WWOX: variants seen among roughly 807,000 people sequenced by gnomAD.
The protein encoded by WWOX is WW domain-containing oxidoreductase.
WWOX carries 69 observed loss-of-function variants against 46.2 expected under a neutral mutation model. That is an observed-to-expected ratio of 1.49 (90% confidence interval 1.23 to 1.82). The LOEUF (loss-of-function observed/expected upper bound fraction) is 1.82, where lower values mean the gene tolerates loss of function less well. WWOX is among the 40% of genes most tolerant of loss of function. The pLI, the probability that WWOX is intolerant of heterozygous loss-of-function variation, is 0.00. For missense variants in WWOX, 919 were observed against 542.6 expected (o/e 1.69, Z -6.89); for synonymous variants, 359 against 202.6 (o/e 1.77, Z -6.56).
At chr16:78,366,884 ACTTG>A (rs2081546506) in intron 5 of WWOX, among the ~76,000 whole-genome samples, 1 of 151,614 alleles carries the variant, frequency 6.6e-6, no homozygotes, top group South Asian at 2.1e-4. Context: ...CAGTTTTCAA[ACTTG>A]CTTAATCCAA....
At position 78,963,333 on chromosome 16, in the gene WWOX, G is replaced by T. The variant is rs192777102; in HGVS notation, c.1057-248275G>T. Among the ~76,000 whole-genome samples the T allele has an allele frequency of 2.1e-3, 318 of 152,256 alleles. 7 individuals are homozygous for T. The highest frequency in any genetic ancestry group is 0.018 in the Admixed American group (273 of 15,292). ...AAATAAAAAAAATTAGCTGCCCATG[G>T]TGGTGTATGCCTGTGGTCCCAGCTA... is the stretch of plus-strand genomic sequence containing the variant. On this transcript the variant is annotated intron_variant, in intron 8 of 8. Coordinates refer to ENST00000566780, the MANE Select transcript of WWOX (RefSeq NM_016373.4).
chr16:78,945,765 G>T (rs1175090301), intron 8 of WWOX, among the ~76,000 whole-genome samples: 1 of 151,720 alleles, frequency 6.6e-6, no homozygotes, highest in African/African-American at 2.4e-5. Flanking sequence ...TTTATTTAGG[G>T]CTCATCTGGT....
At chr16:78,610,910 A>C (rs72805009) in intron 8 of WWOX, among the ~76,000 whole-genome samples, 1 of 152,256 alleles carries the variant, frequency 6.6e-6, no homozygotes, top group East Asian at 1.9e-4. Context: ...ACAATTTCTC[A>C]TTAAGCACAG....
intron 8 of WWOX, among the ~76,000 whole-genome samples, chr16:78,444,471 G>A (rs928852952): frequency 1.3e-5 from 2 of 151,394 alleles, no homozygotes; most frequent in East Asian, 1.9e-4. Context: ...TTTATTAAGA[G>A]AATGGATATT....
intron 8 of WWOX, among the ~76,000 whole-genome samples, chr16:78,814,237 C>A (rs949315490): frequency 6.6e-6 from 1 of 152,294 alleles, no homozygotes; most frequent in Non-Finnish European, 1.5e-5. Context: ...CTCCATCTTA[C>A]ATCAACAATT....
At chr16:79,141,171 A>G (rs1237479150) in intron 8 of WWOX, among the ~76,000 whole-genome samples, 4 of 152,236 alleles carry the variant, frequency 2.6e-5, no homozygotes, top group Non-Finnish European at 5.9e-5. Flanking sequence ...GAGGCTATTC[A>G]GAAACTCAAA....
chr16:78,857,750 A>G (rs550100654), intron 8 of WWOX, among the ~76,000 whole-genome samples: 52 of 152,312 alleles, frequency 3.4e-4, no homozygotes, highest in African/African-American at 1.2e-3. Flanking sequence ...CATGCTCATA[A>G]CTCGATTTTC....
intron 8 of WWOX, among the ~76,000 whole-genome samples, chr16:79,041,695 G>C (rs2047974566): frequency 6.6e-6 from 1 of 152,100 alleles, no homozygotes; most frequent in Non-Finnish European, 1.5e-5. Flanking sequence ...AATGGCAAGG[G>C]CATGAGGCAG....
At chr16:79,163,001 G>A (rs1466191282) in intron 8 of WWOX, among the ~76,000 whole-genome samples, 1 of 152,240 alleles carries the variant, frequency 6.6e-6, no homozygotes, top group Non-Finnish European at 1.5e-5. Flanking sequence ...TTATGGTTTA[G>A]AGAAAGCGCC....
chr16:78,245,892 C>T (rs553668576), intron 5 of WWOX, among the ~76,000 whole-genome samples: 1 of 152,304 alleles, frequency 6.6e-6, no homozygotes, highest in African/African-American at 2.4e-5. Context: ...AGGTCCTCTC[C>T]ATTCCAGAAA....
chr16:79,062,469 C>T (rs563936047), intron 8 of WWOX, among the ~76,000 whole-genome samples: 26 of 152,170 alleles, frequency 1.7e-4, no homozygotes, highest in Middle Eastern at 3.4e-3. Flanking sequence ...CGGTGCCGTG[C>T]GGTGTAAATC....
At position 78,885,041 on chromosome 16, in the gene WWOX, G is replaced by A. The variant is rs184046360; in HGVS notation, c.1057-326567G>A. On this transcript the variant is annotated intron_variant, in intron 8 of 8. Coordinates refer to ENST00000566780, the MANE Select transcript of WWOX (RefSeq NM_016373.4). The stretch of plus-strand genomic sequence containing the variant: ...TGTTTCTTCCACTGTGCAGTGTTTC[G>A]TTCTTAACCAACATGGCACCCCAGG... Among the ~76,000 whole-genome samples, 11 of 152,142 alleles carry A rather than the reference G, an allele frequency of 7.2e-5. No individual in the cohort carries two copies. In the East Asian group the frequency reaches 9.7e-4, roughly 13 times the overall value.
intron 8 of WWOX, among the ~76,000 whole-genome samples, chr16:78,546,605 A>T (rs773981588): frequency 6.6e-6 from 1 of 152,192 alleles, no homozygotes; most frequent in Non-Finnish European, 1.5e-5. Flanking sequence ...CTCAGCTAGG[A>T]ACTTATTTTT....
At chr16:78,441,157 C>G (rs566029685) in intron 8 of WWOX, among the ~76,000 whole-genome samples, 2 of 151,812 alleles carry the variant, frequency 1.3e-5, no homozygotes, top group African/African-American at 2.4e-5. Flanking sequence ...TGGCCAAGCT[C>G]GTCTCAAACC....
intron 8 of WWOX, among the ~76,000 whole-genome samples, chr16:78,977,975 G>T (rs1333636616): frequency 2.1e-5 from 1 of 48,484 alleles, no homozygotes; most frequent in Non-Finnish European, 8.4e-5. Flanking sequence ...TGTAAATACC[G>T]CATCTATTTC....
Position 78,711,270 on chromosome 16 carries a change from G to C in WWOX, c.1056+278518G>C, listed in dbSNP as rs560198838. 2.6e-5 allele frequency among the ~76,000 whole-genome samples: 4 copies of C among 152,258 alleles called. No individual in the cohort carries two copies. In the East Asian group the frequency reaches 7.7e-4, roughly 29 times the overall value. ...CAAAGTGATGTGGATGTATATATAC[G>C]TTAAAAAATATCACTTTCCCTTTTG... On this transcript the variant is annotated intron_variant, in intron 8 of 8. Coordinates refer to ENST00000566780, the MANE Select transcript of WWOX (RefSeq NM_016373.4).
chr16:79,049,504 C>T (rs780227988), intron 8 of WWOX, among the ~76,000 whole-genome samples: 13 of 152,068 alleles, frequency 8.5e-5, no homozygotes, highest in Non-Finnish European at 1.6e-4. Flanking sequence ...ATCAGGAAGG[C>T]CAAGCCCAGA....
intron 8 of WWOX, among the ~76,000 whole-genome samples, chr16:78,453,287 G>A (rs746639815): frequency 6.6e-6 from 1 of 152,012 alleles, no homozygotes; most frequent in African/African-American, 2.4e-5. Flanking sequence ...AGTTGGGCAT[G>A]GTAGCGGTGC....
chr16:78,954,030 C>T (rs1410516280), intron 8 of WWOX, among the ~76,000 whole-genome samples: 1 of 152,224 alleles, frequency 6.6e-6, no homozygotes, highest in Non-Finnish European at 1.5e-5. Flanking sequence ...GGTTATTTCT[C>T]CTCTTCCATA....
Sources: allele counts gnomAD v4.1 joint callset (sites outside exome capture counted in the v4.1 genomes callset), GRCh38; gene constraint gnomAD v4.1.1; transcripts MANE v1.5; gene names NCBI Gene and HGNC (gene_info 2026-07-23, HGNC 2026-07-21).